NF1: variants seen among roughly 807,000 people sequenced by gnomAD.
NF1 encodes the protein neurofibromin 1.
NF1 carries 122 observed loss-of-function variants against 325.7 expected under a neutral mutation model. The ratio of observed to expected loss-of-function variants is 0.37; its 90% CI spans 0.32 to 0.44. The LOEUF (loss-of-function observed/expected upper bound fraction) is 0.44, where lower values mean the gene tolerates loss of function less well. Ranked by LOEUF, NF1 falls within the 20% of genes least tolerant of loss-of-function variation. The pLI, the probability that NF1 is intolerant of heterozygous loss-of-function variation, is 1.00. For synonymous variants in NF1, 1,091 were observed against 1,186.0 expected, an observed-to-expected ratio of 0.92 and a Z score of 1.65; for missense variants, 2,140 against 3,415.4, an observed-to-expected ratio of 0.63 and a Z score of 9.31.
chr17:31,119,763 A>G (rs546058586), intron 1 of NF1, among the ~76,000 whole-genome samples: 1 of 152,230 alleles, frequency 6.6e-6, no homozygotes, highest in South Asian at 2.1e-4. Context: ...TAAGTCTTTA[A>G]TCAATCTTGA....
At chr17:31,321,227 A>G (rs2069180837) in intron 36 of NF1, among the ~76,000 whole-genome samples, 1 of 152,224 alleles carries the variant, frequency 6.6e-6, no homozygotes, top group African/African-American at 2.4e-5. Context: ...TTAACTTTTG[A>G]AAAATAACAA....
Position 31,360,540 on chromosome 17 carries a change from G to A in NF1, c.8214G>A (p.Leu2738=), listed in dbSNP as rs786201597. 6.2e-7 allele frequency: 1 copy of A among 1,614,040 alleles called. No homozygotes were observed. The highest frequency in any genetic ancestry group is 8.5e-7 in the Non-Finnish European group (1 of 1,180,002). ...TTATTGTTAAGTTTCTTGATGCCTT[G>A]ATTGACACGTACCTGCCTGGAATTG... is the stretch of plus-strand genomic sequence containing the variant. ...AELIVKFLDA[L]IDTYLPGIDE... Residue 2738 remains leucine, a synonymous_variant, in exon 57 of 58, where the codon TTG becomes TTA. Transcript: ENST00000358273.
intron 14 of NF1, among the ~76,000 whole-genome samples, chr17:31,220,013 A>G (rs895917948): frequency 6.6e-6 from 1 of 152,150 alleles, no homozygotes; most frequent in Non-Finnish European, 1.5e-5. Flanking sequence ...TGCTGCTATG[A>G]ACATTTGTGT....
chr17:31,263,107 GTAGATAGA>G (rs1163819126), intron 35 of NF1, among the ~76,000 whole-genome samples: 2 of 60,018 alleles, frequency 3.3e-5, no homozygotes, highest in Admixed American at 3.7e-4. Flanking sequence ...AGGTAGGTAG[GTAGATAGA>G]TAGATAGATA....
rs117294797 is a variant in NF1, at chr17:31,209,855, G to A, written c.1392+3484G>A. Among the ~76,000 whole-genome samples, 217 of 152,012 alleles carry A rather than the reference G, an allele frequency of 1.4e-3. 4 individuals carry two copies. In the East Asian group the frequency reaches 0.039, roughly 27 times the overall value. ...TAGTAGACCATTTAGCACCATTTTG[G>A]GCAGGCTACTCTTGAACTGTGACCT... is the stretch of plus-strand genomic sequence containing the variant. On this transcript the variant is annotated intron_variant, in intron 12 of 57. Coordinates refer to ENST00000358273, the MANE Select transcript of NF1 (RefSeq NM_001042492.3).
intron 8 of NF1, among the ~76,000 whole-genome samples, chr17:31,195,601 T>A (rs1272081158): frequency 6.6e-6 from 1 of 152,146 alleles, no homozygotes; most frequent in Non-Finnish European, 1.5e-5. Flanking sequence ...GACTACCTCA[T>A]ATAAGTGGAC....
chr17:31,356,380 C>A, intron 51 of NF1, 80 bp from the exon 52 acceptor site: 1 of 1,473,808 alleles, frequency 6.8e-7, no homozygotes, highest in Non-Finnish European at 9.5e-7. Flanking sequence ...ACTTTATGTC[C>A]AAACATTTTC....
At chr17:31,342,667 C>T (rs1013459343) in intron 47 of NF1, among the ~76,000 whole-genome samples, 4 of 151,898 alleles carry the variant, frequency 2.6e-5, no homozygotes, top group Admixed American at 6.5e-5. Context: ...AGCCCAGTAG[C>T]GGGAGCTAAT....
intron 57 of NF1, among the ~76,000 whole-genome samples, chr17:31,363,976 G>C (rs368156001): frequency 2.1e-5 from 3 of 144,952 alleles, no homozygotes; most frequent in African/African-American, 7.7e-5. Context: ...CCTGACCTTA[G>C]GTGATCCACC....
intron 1 of NF1, among the ~76,000 whole-genome samples, chr17:31,108,278 T>G (rs947795854): frequency 1.4e-5 from 2 of 139,508 alleles, no homozygotes; most frequent in Non-Finnish European, 3.1e-5. Context: ...TTTTTTTTTT[T>G]TTTTTTTTTT....
intron 1 of NF1, among the ~76,000 whole-genome samples, chr17:31,118,659 A>C (rs569488250): frequency 1.3e-5 from 2 of 152,278 alleles, no homozygotes; most frequent in African/African-American, 4.8e-5. Context: ...CATGGTGTGT[A>C]TATACCACAT....
intron 8 of NF1, among the ~76,000 whole-genome samples, chr17:31,185,338 T>G (rs2066219215): frequency 6.6e-6 from 1 of 152,122 alleles, no homozygotes; most frequent in South Asian, 2.1e-4. Flanking sequence ...AAATCTTACT[T>G]GGAGAGACCT....
chr17:31,114,125 A>G (rs994221742), intron 1 of NF1, among the ~76,000 whole-genome samples: 13 of 152,222 alleles, frequency 8.5e-5, no homozygotes, highest in Non-Finnish European at 1.2e-4. Flanking sequence ...TTTCCCTGTA[A>G]TAAGGAAGAA....
At chr17:31,278,845 C>T (rs1015868266) in intron 36 of NF1, among the ~76,000 whole-genome samples, 1 of 152,062 alleles carries the variant, frequency 6.6e-6, no homozygotes, top group African/African-American at 2.4e-5. Context: ...GAACTCCTGA[C>T]CTCAGGTGAT....
intron 1 of NF1, among the ~76,000 whole-genome samples, chr17:31,123,774 T>C (rs1914633063): frequency 6.6e-6 from 1 of 152,220 alleles, no homozygotes; most frequent in Non-Finnish European, 1.5e-5. Context: ...CTCACAATTC[T>C]AAAGTCTGGG....
intron 1 of NF1, among the ~76,000 whole-genome samples, chr17:31,107,563 C>T (rs1312604010): frequency 6.6e-6 from 1 of 151,904 alleles, no homozygotes; most frequent in African/African-American, 2.4e-5. Flanking sequence ...CCGTGCCCAA[C>T]CGAGATTCTG....
chr17:31,247,476 T>TATC (rs1357883148), intron 29 of NF1, among the ~76,000 whole-genome samples: 4 of 152,104 alleles, frequency 2.6e-5, no homozygotes, highest in Non-Finnish European at 5.9e-5. Context: ...GGCCACAAAA[T>TATC]ATCTAAAAGC....
intron 13 of NF1, among the ~76,000 whole-genome samples, chr17:31,215,561 G>A (rs1366543065): frequency 1.3e-5 from 2 of 152,158 alleles, no homozygotes; most frequent in African/African-American, 2.4e-5. Context: ...TACATACAAT[G>A]CTTTAGGAAC....
At position 31,374,448 on chromosome 17, in the gene NF1, T is replaced by A. The variant is rs558127400; in HGVS notation, c.*293T>A. ...TCAGGAAACTTTTAACTGAGAAATCTCAATTGTAAGAGAGGATGAATTCTT... is the reference window on the plus strand; with the variant it reads ...TCAGGAAACTTTTAACTGAGAAATCACAATTGTAAGAGAGGATGAATTCTT... On this transcript the variant is annotated 3_prime_UTR_variant, in exon 58 of 58. Coordinates refer to ENST00000358273, the MANE Select transcript of NF1 (RefSeq NM_001042492.3). 2.1e-5 allele frequency: 10 copies of A among 479,516 alleles called. No homozygotes were observed. The highest frequency in any genetic ancestry group is 1.3e-4 in the African/African-American group (7 of 51,916). The allele number at this position is 479,516 out of a possible 1,614,324, so 29.7% of individuals were successfully genotyped here.
Sources: gnomAD v4.1 joint callset for allele counts (sites outside exome capture counted in the v4.1 genomes callset) on GRCh38, gnomAD v4.1.1 for gene constraint, MANE v1.5 for transcripts, NCBI Gene and HGNC (gene_info 2026-07-23, HGNC 2026-07-21) for gene names.